HS3ST3B1: variants seen among roughly 807,000 people sequenced by gnomAD.
HS3ST3B1 encodes the protein heparan sulfate glucosamine 3-O-sulfotransferase 3B1.
HS3ST3B1 carries 13 observed loss-of-function variants against 21.3 expected under a neutral mutation model. The ratio of observed to expected loss-of-function variants is 0.61; its 90% CI spans 0.40 to 0.97. The LOEUF (loss-of-function observed/expected upper bound fraction) is 0.97. HS3ST3B1 is among the 50% of genes least tolerant of loss of function. The probability of loss-of-function intolerance (pLI) is 0.00; values close to 1 mark genes in which losing one functional copy is unlikely to be tolerated. For synonymous variants in HS3ST3B1, 234 were observed against 254.8 expected (o/e 0.92, Z 0.78); for missense variants, 459 against 554.8 (o/e 0.83, Z 1.73).
At chr17:14,334,977 A>T (rs552381410) in intron 1 of HS3ST3B1, among the ~76,000 whole-genome samples, 3 of 152,220 alleles carry the variant, frequency 2.0e-5, no homozygotes, top group South Asian at 4.1e-4. Flanking sequence ...GGAGGGGGGA[A>T]ATCTTGTAAA....
intron 1 of HS3ST3B1, among the ~76,000 whole-genome samples, chr17:14,316,219 C>G (rs1248891623): frequency 6.6e-6 from 1 of 152,170 alleles, no homozygotes; most frequent in Admixed American, 6.5e-5. Context: ...TCATCTCAAA[C>G]CTAATATGTC....
rs1181987410 is a variant in HS3ST3B1 at position 14,345,336 on chromosome 17, C to T, written c.863C>T (p.Pro288Leu). 1 of 1,085,488 alleles carries T rather than the reference C, an allele frequency of 9.2e-7. No individual in the cohort carries two copies. The highest frequency in any genetic ancestry group is 1.5e-5 in the South Asian group (1 of 66,720). The allele number at this position is 1,085,488 out of a possible 1,614,324, so 67.2% of individuals were successfully genotyped here. The part of the protein sequence containing the change: ...KHLEHWLRHF[P>L]IRQMLFVSGE... ...CTGGAGCACTGGCTGCGCCACTTCC[C>T]CATCCGCCAGATGCTCTTCGTGAGC... Residue 288 changes from proline (P) to leucine (L), a missense_variant, in exon 2 of 2, where the codon CCC becomes CTC. Physicochemically the swap from Pro to Leu is moderately conservative, Grantham distance 98. Around this residue, in one of 3 missense-constraint regions of HS3ST3B1, gnomAD observed 127 missense variants for 209.9 expected, o/e 0.60. Transcript: ENST00000360954.
intron 1 of HS3ST3B1, among the ~76,000 whole-genome samples, chr17:14,344,313 C>T (rs1910484267): frequency 1.3e-5 from 2 of 152,158 alleles, no homozygotes; most frequent in South Asian, 2.1e-4. Context: ...ATGATGCTGA[C>T]GTTTGGGGTA....
At position 14,301,756 on chromosome 17, in the gene HS3ST3B1, G is replaced by C. The variant is rs768497649; in HGVS notation, c.238G>C (p.Ala80Pro). 14 of 1,586,406 alleles carry C rather than the reference G, an allele frequency of 8.8e-6. No homozygotes were observed. The highest frequency in any genetic ancestry group is 1.7e-4 in the Middle Eastern group (1 of 5,890). The part of the protein sequence containing the change: ...AAHDPPALAT[A>P]PDGTPPRLPF... ...ACACGACCCGCCAGCCCTGGCCACA[G>C]CTCCGGACGGGACGCCCCCCAGGCT... Residue 80 changes from alanine (A) to proline (P), a missense_variant, in exon 1 of 2, where the codon GCT (alanine) becomes CCT (proline). Physicochemically the swap from Ala to Pro is conservative, Grantham distance 27. Around this residue, in one of 3 missense-constraint regions of HS3ST3B1, gnomAD observed 317 missense variants for 278.6 expected, o/e 1.14. Coordinates refer to ENST00000360954, the MANE Select transcript of HS3ST3B1 (RefSeq NM_006041.3).
chr17:14,343,241 C>CA (rs538774953), intron 1 of HS3ST3B1, among the ~76,000 whole-genome samples: 16,224 of 114,742 alleles, frequency 0.14, 1,018 homozygotes, highest in Middle Eastern at 0.25. Context: ...GACTCTGTCT[C>CA]AAAAAAAAAA....
chr17:14,344,653 G>A (rs528845952), intron 1 of HS3ST3B1, among the ~76,000 whole-genome samples: 1 of 152,284 alleles, frequency 6.6e-6, no homozygotes, highest in South Asian at 2.1e-4. Flanking sequence ...GGAGTCCCGG[G>A]TGCTATAGTT....
At chr17:14,343,115 G>A (rs962725460) in intron 1 of HS3ST3B1, among the ~76,000 whole-genome samples, 15 of 151,972 alleles carry the variant, frequency 9.9e-5, no homozygotes, top group Non-Finnish European at 1.2e-4. Flanking sequence ...GGTGGTGGGC[G>A]CCTGTAGTCC....
chr17:14,329,187 G>A (rs1909902466), intron 1 of HS3ST3B1: 1 of 152,152 alleles, frequency 6.6e-6, no homozygotes, highest in Non-Finnish European at 1.5e-5. Context: ...ACGATACTGA[G>A]TCTTTTCCAC....
Position 14,301,593 on chromosome 17 carries a change from C to CCCG in HS3ST3B1, c.82_84dup (p.Pro28dup). The CCCG allele has an allele frequency of 6.2e-7, 1 of 1,601,768 alleles. No homozygotes were observed. The highest frequency in any genetic ancestry group is 8.5e-7 in the Non-Finnish European group (1 of 1,177,760). On this transcript the variant is annotated inframe_insertion, in exon 1 of 2. Transcript: ENST00000360954. ...GGCTCCTACCGCAGCCGCCGCCGCCCCCGCCGCCGGTGAGGAGGAAGCTCG... is the reference window on the plus strand; with the variant it reads ...GGCTCCTACCGCAGCCGCCGCCGCCCCCGCCGCCGCCGGTGAGGAGGAAGCTCG...
At chr17:14,329,563 GAAGAAAAGAA>G (rs57412383) in intron 1 of HS3ST3B1, 1 of 151,748 alleles carries the variant, frequency 6.6e-6, no homozygotes, top group African/African-American at 2.4e-5. Context: ...GGAAAGAAAA[GAAGAAAAGAA>G]AAGAAAAGAA....
chr17:14,338,832 C>T (rs1392101817), intron 1 of HS3ST3B1, among the ~76,000 whole-genome samples: 1 of 152,156 alleles, frequency 6.6e-6, no homozygotes, highest in East Asian at 1.9e-4. Flanking sequence ...TGCACTGTGG[C>T]CCAGTTTTTT....
At chr17:14,313,152 TA>T (rs919931776) in intron 1 of HS3ST3B1, among the ~76,000 whole-genome samples, 1 of 100,844 alleles carries the variant, frequency 9.9e-6, no homozygotes, top group African/African-American at 3.7e-5. Context: ...ATATTTTTAG[TA>T]GAGACAGGGT....
In HS3ST3B1 at chr17:14,301,712, G is replaced by T. The variant is rs1481275135; in HGVS notation, c.194G>T (p.Gly65Val). Residue 65 changes from glycine to valine, a missense_variant, in exon 1 of 2, where the codon GGC becomes GTC. Gly to Val is a moderately radical substitution (Grantham distance 109). Around this residue, in one of 3 missense-constraint regions of HS3ST3B1, gnomAD observed 317 missense variants for 278.6 expected, o/e 1.14. Coordinates refer to ENST00000360954, the MANE Select transcript of HS3ST3B1 (RefSeq NM_006041.3). ...CAAAPGLLLLGSGSRAAHDPP... is the reference protein window; with the variant it reads ...CAAAPGLLLLVSGSRAAHDPP... ...GCCGCGCCGGGGCTGCTGCTCCTGG[G>T]CTCTGGGTCCCGCGCCGCACACGAC... is the stretch of plus-strand genomic sequence containing the variant. 2 of 1,604,316 alleles carry T rather than the reference G, an allele frequency of 1.2e-6. No individual in the cohort carries two copies. Among genetic ancestry groups the T allele is most frequent in the South Asian group, 1.1e-5 (1 of 90,596 alleles).
chr17:14,325,863 C>T (rs1445815322), intron 1 of HS3ST3B1, among the ~76,000 whole-genome samples: 1 of 152,140 alleles, frequency 6.6e-6, no homozygotes, highest in Non-Finnish European at 1.5e-5. Context: ...AGGTCAAATC[C>T]AAAATCTGTC....
At chr17:14,339,750 C>T (rs1349698188) in intron 1 of HS3ST3B1, among the ~76,000 whole-genome samples, 2 of 152,186 alleles carry the variant, frequency 1.3e-5, no homozygotes, top group Non-Finnish European at 2.9e-5. Context: ...ACTCAATTAA[C>T]CTGCATCATG....
intron 1 of HS3ST3B1, among the ~76,000 whole-genome samples, chr17:14,343,540 G>T (rs774954770): frequency 3.3e-5 from 5 of 152,034 alleles, no homozygotes; most frequent in Admixed American, 6.5e-5. Context: ...CTCTTTTTCT[G>T]TGAGATCAAC....
At chr17:14,343,686 TATA>T (rs1197663034) in intron 1 of HS3ST3B1, among the ~76,000 whole-genome samples, 3 of 152,210 alleles carry the variant, frequency 2.0e-5, no homozygotes, top group Non-Finnish European at 2.9e-5. Context: ...TTAAAGGCTG[TATA>T]ATATTTCATT....
At chr17:14,316,845 G>C (rs1273073582) in intron 1 of HS3ST3B1, among the ~76,000 whole-genome samples, 4 of 152,240 alleles carry the variant, frequency 2.6e-5, no homozygotes, top group African/African-American at 4.8e-5. Context: ...TTTTAACAGA[G>C]AGAGATGGGG....
At chr17:14,313,333 CCTTA>C (rs974568813) in intron 1 of HS3ST3B1, among the ~76,000 whole-genome samples, 1 of 151,774 alleles carries the variant, frequency 6.6e-6, no homozygotes, top group African/African-American at 2.4e-5. Flanking sequence ...AGAACTTGGC[CCTTA>C]CTTACTCTGC....
Sources: allele counts gnomAD v4.1 joint callset (sites outside exome capture counted in the v4.1 genomes callset), GRCh38; gene constraint gnomAD v4.1.1; regional missense constraint gnomAD v4.1.1; transcripts MANE v1.5; gene names NCBI Gene and HGNC (gene_info 2026-07-23, HGNC 2026-07-21).